The following PCA3 variants were observed in gnomAD, a reference collection of about 807,000 sequenced individuals.
PCA3 encodes the protein Differential Display code 3.
At chr9:76,778,843 T>G (rs187142863) in intron 2 of PCA3, 1 of 152,360 alleles carries the variant, frequency 6.6e-6, no homozygotes, top group East Asian at 1.9e-4. Flanking sequence ...ACTATGATTA[T>G]CATTCAATCT....
chr9:76,776,647 T>C (rs1350449872), intron 2 of PCA3, among the ~76,000 whole-genome samples: 1 of 150,702 alleles, frequency 6.6e-6, no homozygotes, highest in Non-Finnish European at 1.5e-5. Context: ...CCTAAGTAGC[T>C]AGGATTACAG....
chr9:76,770,338 T>C (rs1424718296), intron 2 of PCA3, among the ~76,000 whole-genome samples: 1 of 152,188 alleles, frequency 6.6e-6, no homozygotes, highest in Non-Finnish European at 1.5e-5. Context: ...GAATGAGAAT[T>C]CCTTGGGCAT....
At chr9:76,779,219 T>C (rs2054114525) in intron 2 of PCA3, among the ~76,000 whole-genome samples, 1 of 147,844 alleles carries the variant, frequency 6.8e-6, no homozygotes, top group South Asian at 2.1e-4. Flanking sequence ...ATGGACAAAG[T>C]GAAAAACTTA....
At chr9:76,767,456 A>T (rs528284157) in intron 2 of PCA3, among the ~76,000 whole-genome samples, 1 of 151,866 alleles carries the variant, frequency 6.6e-6, no homozygotes, top group East Asian at 1.9e-4. Flanking sequence ...TGTCTCAAAA[A>T]AAAAAAGAAA....
At chr9:76,784,189 A>G (rs940040686) in intron 2 of PCA3, 1 of 152,124 alleles carries the variant, frequency 6.6e-6, no homozygotes, top group African/African-American at 2.4e-5. Context: ...CCCGCTTGTG[A>G]GGGAAGGACA....
At chr9:76,767,606 T>C (rs61401332) in intron 2 of PCA3, among the ~76,000 whole-genome samples, 20,844 of 152,228 alleles carry the variant, frequency 0.14, 2,324 homozygotes, top group East Asian at 0.39. Context: ...ACTACTCTCA[T>C]GGTTGTTTCC....
At chr9:76,779,722 T>C (rs1347456174) in intron 2 of PCA3, 3 of 152,256 alleles carry the variant, frequency 2.0e-5, no homozygotes, top group Admixed American at 6.5e-5. Context: ...TCAGATTTAC[T>C]GTACAGTTCA....
intron 2 of PCA3, among the ~76,000 whole-genome samples, chr9:76,776,941 C>CAGACAG (rs1355467487): frequency 6.5e-4 from 94 of 145,008 alleles, no homozygotes; most frequent in Non-Finnish European, 8.6e-4. Flanking sequence ...CACACACACA[C>CAGACAG]ACACAAAGGG....
chr9:76,774,446 A>T (rs919322091), intron 2 of PCA3, among the ~76,000 whole-genome samples: 1 of 58,040 alleles, frequency 1.7e-5, no homozygotes, highest in African/African-American at 1.2e-4. Context: ...CCTCCAGTTC[A>T]ACCCTTTTTT....
intron 2 of PCA3, among the ~76,000 whole-genome samples, chr9:76,775,077 T>A (rs1268112996): frequency 1.3e-5 from 2 of 150,144 alleles, no homozygotes; most frequent in South Asian, 4.2e-4. Flanking sequence ...AGAAAAAAAA[T>A]TTGCCCTGTT....
intron 2 of PCA3, among the ~76,000 whole-genome samples, chr9:76,772,536 T>TA (rs1261814203): frequency 6.6e-6 from 1 of 152,126 alleles, no homozygotes; most frequent in African/African-American, 2.4e-5. Flanking sequence ...TGGACAAGGT[T>TA]AACTGCAACT....
chr9:76,770,638 T>C (rs1037992948), intron 2 of PCA3, among the ~76,000 whole-genome samples: 3 of 152,174 alleles, frequency 2.0e-5, no homozygotes, highest in Non-Finnish European at 4.4e-5. Flanking sequence ...TGCAAAACTG[T>C]TGAAAGCATT....
chr9:76,773,585 A>G lies in PCA3; in HGVS notation n.853-34998A>G, dbSNP rs150369184. 4.9e-3 allele frequency among the ~76,000 whole-genome samples: 742 copies of G among 152,048 alleles called. 17 individuals are homozygous for G. The East Asian group carries it at 0.07, about 14-fold the overall frequency. On this transcript the variant is annotated intron_variant and non_coding_transcript_variant, in intron 2 of 5. Transcript: ENST00000644657. Reference sequence around the variant, plus strand: ...TAGCCTCCTGAGTAGCTGGGATTACAGGCACCTGCCAGCAAGCCAGGCTAA... The same window carrying G: ...TAGCCTCCTGAGTAGCTGGGATTACGGGCACCTGCCAGCAAGCCAGGCTAA...
intron 2 of PCA3, among the ~76,000 whole-genome samples, chr9:76,780,158 A>T (rs1487203048): frequency 1.3e-5 from 2 of 152,216 alleles, no homozygotes; most frequent in Non-Finnish European, 2.9e-5. Flanking sequence ...GTAAGATCCA[A>T]GAAGTACATA....
chr9:76,786,086 G>C (rs1357769260), intron 2 of PCA3: 1 of 152,162 alleles, frequency 6.6e-6, no homozygotes, highest in Non-Finnish European at 1.5e-5. Context: ...CTGTGCATCA[G>C]GCGGTTTGAG....
At chr9:76,764,438 A>C (rs1172765632) in intron 2 of PCA3, 1 of 152,210 alleles carries the variant, frequency 6.6e-6, no homozygotes, top group African/African-American at 2.4e-5. Flanking sequence ...TGTTCCAGAC[A>C]GAAGAAATAG....
At chr9:76,786,454 A>C (rs942456163) in intron 2 of PCA3, 2 of 152,406 alleles carry the variant, frequency 1.3e-5, no homozygotes, top group Non-Finnish European at 2.9e-5. Flanking sequence ...TCCTTAAATC[A>C]AGGAAACCAG....
chr9:76,783,195 G>A (rs2054611347), intron 2 of PCA3, among the ~76,000 whole-genome samples: 1 of 152,146 alleles, frequency 6.6e-6, no homozygotes, highest in Non-Finnish European at 1.5e-5. Context: ...CGAGTGCAAT[G>A]GCACAATTAC....
At chr9:76,777,467 C>T (rs1050068239) in intron 2 of PCA3, among the ~76,000 whole-genome samples, 1 of 152,208 alleles carries the variant, frequency 6.6e-6, no homozygotes, top group Admixed American at 6.5e-5. Flanking sequence ...TCACTCCATA[C>T]AGTTTGCTGG....
Sources: gnomAD v4.1 joint callset for allele counts (sites outside exome capture counted in the v4.1 genomes callset) on GRCh38, gnomAD v4.1.1 for gene constraint, MANE v1.5 for transcripts, NCBI Gene and HGNC (gene_info 2026-07-23, HGNC 2026-07-21) for gene names.